ICA1: variants seen among roughly 807,000 people sequenced by gnomAD.
The protein encoded by ICA1 is 69 kDa islet cell autoantigen.
ICA1 carries 40 observed loss-of-function variants against 71.0 expected under a neutral mutation model. That is an observed-to-expected ratio of 0.56 (90% CI 0.44 to 0.73). The LOEUF (loss-of-function observed/expected upper bound fraction) is 0.73, where lower values mean the gene tolerates loss of function less well. ICA1 is among the 30% of genes least tolerant of loss of function. ICA1 has a pLI of 0.00. For synonymous variants in ICA1, 207 were observed against 209.5 expected (o/e 0.99, Z 0.10); for missense variants, 578 against 576.5 (o/e 1.00, Z -0.03).
At chr7:8,239,416 G>T (rs577825926) in intron 1 of ICA1, among the ~76,000 whole-genome samples, 1 of 152,194 alleles carries the variant, frequency 6.6e-6, no homozygotes, top group Non-Finnish European at 1.5e-5. Context: ...AATAGAAATA[G>T]ACTATGAGCA....
At chr7:8,154,823 C>T (rs1304683454) in intron 8 of ICA1, among the ~76,000 whole-genome samples, 2 of 152,152 alleles carry the variant, frequency 1.3e-5, no homozygotes, top group African/African-American at 4.8e-5. Flanking sequence ...TAATGGCTTT[C>T]ACCATCATGT....
At chr7:8,195,764 G>C (rs1787270371) in intron 6 of ICA1, among the ~76,000 whole-genome samples, 1 of 152,090 alleles carries the variant, frequency 6.6e-6, no homozygotes, top group Admixed American at 6.5e-5. Context: ...AGGATCACGA[G>C]GTCAGGAGTT....
chr7:8,174,298 T>C (rs1007553469), intron 6 of ICA1, among the ~76,000 whole-genome samples: 2 of 152,142 alleles, frequency 1.3e-5, no homozygotes, highest in Non-Finnish European at 2.9e-5. Context: ...TAATGGGTGA[T>C]TGAAAAACTG....
intron 8 of ICA1, among the ~76,000 whole-genome samples, chr7:8,148,124 T>C (rs942675125): frequency 7.9e-5 from 12 of 152,146 alleles, no homozygotes; most frequent in African/African-American, 1.9e-4. Flanking sequence ...CACCCTGAAC[T>C]GGAATAAGCA....
chr7:8,250,634 G>A (rs78166346), intron 1 of ICA1, among the ~76,000 whole-genome samples: 1 of 152,312 alleles, frequency 6.6e-6, no homozygotes, highest in Non-Finnish European at 1.5e-5. Context: ...GGGTGATTGA[G>A]TGACTACACA....
rs59527707 is a variant in ICA1 at position 8,255,927 on chromosome 7, C to A, written c.-80+6167G>T. Among the ~76,000 whole-genome samples the A allele has an allele frequency of 5.8e-4, 88 of 152,150 alleles. 1 individual carries two copies. In the East Asian group the frequency reaches 0.016, roughly 28 times the overall value. On this transcript the variant is annotated intron_variant, in intron 1 of 13. Coordinates refer to ENST00000402384, the MANE Select transcript of ICA1 (RefSeq NM_001136020.3). ...TAGCTGGGACTACAGGCACATACCA[C>A]CACACCCAGCTAATTTTTTAAATTG...
chr7:8,151,909 T>C (rs1033547096), intron 8 of ICA1, among the ~76,000 whole-genome samples: 1 of 152,216 alleles, frequency 6.6e-6, no homozygotes, highest in African/African-American at 2.4e-5. Context: ...TCAATGGTTA[T>C]TTTTGAACAT....
At chr7:8,214,755 T>C (rs1794868388) in intron 6 of ICA1, among the ~76,000 whole-genome samples, 1 of 152,242 alleles carries the variant, frequency 6.6e-6, no homozygotes, top group Non-Finnish European at 1.5e-5. Context: ...TTTGTTTAAC[T>C]TCAGGTTTTT....
At chr7:8,216,196 C>T (rs748814185) in intron 6 of ICA1, among the ~76,000 whole-genome samples, 2 of 152,212 alleles carry the variant, frequency 1.3e-5, no homozygotes, top group Non-Finnish European at 2.9e-5. Context: ...TGCCTGGAAT[C>T]TTGTCATCTG....
At chr7:8,218,586 G>C in intron 5 of ICA1, 83 bp from the exon 6 acceptor site, 1 of 1,090,632 alleles carries the variant, frequency 9.2e-7, no homozygotes, top group Non-Finnish European at 1.4e-6. Context: ...TCTTAGACTC[G>C]TGAGTCTAGA....
rs777722192 is a variant in ICA1, at chr7:8,152,643, TCCACCACCACCACCACCA to T, written c.804+4455_804+4472del. Among the ~76,000 whole-genome samples, 127 of 94,314 alleles carry T rather than the reference TCCACCACCACCACCACCA, an allele frequency of 1.3e-3. 1 individual carries two copies. Among genetic ancestry groups the T allele is most frequent in the Non-Finnish European group, 2.4e-3 (101 of 42,232 alleles). 61.9% of individuals were successfully genotyped at this position (94,314 alleles called of 152,430 possible). A position where few individuals can be genotyped will look rare whatever the true frequency, so the allele number is the denominator to read the frequency against. ...CTCTTCCACCACTACCACCATCTCC[TCCACCACCACCACCACCA>T]CCACCACCATTATCTCCTTCATCAC... On this transcript the variant is annotated intron_variant, in intron 8 of 13. Transcript: ENST00000402384.
At chr7:8,178,645 T>A (rs958625280) in intron 6 of ICA1, among the ~76,000 whole-genome samples, 3 of 152,012 alleles carry the variant, frequency 2.0e-5, no homozygotes, top group South Asian at 2.1e-4. Context: ...CTTGTCCAGC[T>A]GCTTCAATTT....
At chr7:8,186,915 A>G (rs1440386697) in intron 6 of ICA1, among the ~76,000 whole-genome samples, 2 of 152,222 alleles carry the variant, frequency 1.3e-5, no homozygotes, top group Non-Finnish European at 2.9e-5. Context: ...CACACAGGCT[A>G]TTATCTTGTT....
At chr7:8,136,220 A>G (rs1793359350) in intron 12 of ICA1, among the ~76,000 whole-genome samples, 1 of 152,172 alleles carries the variant, frequency 6.6e-6, no homozygotes, top group African/African-American at 2.4e-5. Context: ...TTTTGATAAC[A>G]TTGTACCACG....
chr7:8,208,270 T>C (rs1025839166), intron 6 of ICA1, among the ~76,000 whole-genome samples: 3 of 152,202 alleles, frequency 2.0e-5, no homozygotes, highest in Non-Finnish European at 4.4e-5. Flanking sequence ...TTGAAGAAAA[T>C]TCTTTTTGAT....
At chr7:8,128,175 A>T in intron 12 of ICA1, 33 bp from the exon 13 acceptor site, 1 of 1,601,898 alleles carries the variant, frequency 6.2e-7, no homozygotes, top group Non-Finnish European at 8.5e-7. Context: ...AAACGTCACC[A>T]CGGAGGGCTC....
At chr7:8,227,732 G>C in intron 4 of ICA1, 1 of 410,398 alleles carries the variant, frequency 2.4e-6, no homozygotes, top group Non-Finnish European at 4.9e-6. Context: ...CACATGCACG[G>C]TACCCGGATA....
intron 8 of ICA1, among the ~76,000 whole-genome samples, chr7:8,145,040 G>A (rs868463064): frequency 6.6e-6 from 1 of 152,144 alleles, no homozygotes; most frequent in African/African-American, 2.4e-5. Context: ...TTTGGTGTCT[G>A]CCATGGACAC....
chr7:8,158,656 T>C lies in ICA1; in HGVS notation c.580-4A>G, dbSNP rs777602698. 6.2e-7 allele frequency: 1 copy of C among 1,613,744 alleles called. No homozygotes were observed. The highest frequency in any genetic ancestry group is 8.5e-7 in the Non-Finnish European group (1 of 1,179,878). On this transcript the variant is annotated splice_region_variant and splice_polypyrimidine_tract_variant and intron_variant, in intron 6 of 13. Coordinates refer to ENST00000402384, the MANE Select transcript of ICA1 (RefSeq NM_001136020.3). ...CAAGGCGCACTTGTGTTTGTACCTATGAAAATAAAGAGGAATTTCTGAATC... is the reference window on the plus strand; with the variant it reads ...CAAGGCGCACTTGTGTTTGTACCTACGAAAATAAAGAGGAATTTCTGAATC...
Sources: gnomAD v4.1 joint callset for allele counts (sites outside exome capture counted in the v4.1 genomes callset) on GRCh38, gnomAD v4.1.1 for gene constraint, MANE v1.5 for transcripts, NCBI Gene and HGNC (gene_info 2026-07-23, HGNC 2026-07-21) for gene names.